TAF1B: variants seen among roughly 807,000 people sequenced by gnomAD.
TAF1B encodes the protein TATA box-binding protein-associated factor RNA polymerase I subunit B.
In TAF1B, 61 loss-of-function variants were observed where a neutral mutation model predicts 83.9. The observed-to-expected ratio is 0.73, with a 90% CI of 0.59 to 0.90. TAF1B has a LOEUF of 0.90. Ranked by LOEUF, TAF1B falls within the 40% of genes least tolerant of loss-of-function variation. TAF1B has a pLI of 0.00. For missense variants in TAF1B, 625 were observed against 677.0 expected (o/e 0.92, Z 0.85); for synonymous variants, 221 against 224.6 (o/e 0.98, Z 0.14).
intron 7 of TAF1B, among the ~76,000 whole-genome samples, chr2:9,882,435 A>G (rs1181399260): frequency 1.3e-5 from 2 of 152,336 alleles, no homozygotes; most frequent in East Asian, 3.9e-4. Flanking sequence ...AGCTAGGGGT[A>G]CAAGCATGTG....
intron 8 of TAF1B, among the ~76,000 whole-genome samples, chr2:9,889,133 A>T (rs1280576911): frequency 2.0e-5 from 3 of 151,414 alleles, no homozygotes; most frequent in Admixed American, 1.3e-4. Flanking sequence ...CCTTAGATTT[A>T]TGGGTGTGCA....
chr2:9,933,446 C>G (rs1411726242), intron 14 of TAF1B, among the ~76,000 whole-genome samples: 2 of 152,174 alleles, frequency 1.3e-5, no homozygotes, highest in Non-Finnish European at 2.9e-5. Context: ...GAAATATGTT[C>G]AGAATCTCTC....
chr2:9,900,064 G>A (rs1295846217), intron 8 of TAF1B, among the ~76,000 whole-genome samples: 1 of 152,128 alleles, frequency 6.6e-6, no homozygotes, highest in Non-Finnish European at 1.5e-5. Flanking sequence ...AGGCTATCTC[G>A]TGGCATTAGA....
chr2:9,851,559 A>G lies in TAF1B; in HGVS notation c.224A>G (p.Tyr75Cys). 3 of 1,608,498 alleles carry G rather than the reference A, an allele frequency of 1.9e-6. No homozygotes were observed. The highest frequency in any genetic ancestry group is 1.7e-6 in the Non-Finnish European group (2 of 1,178,244). ...KNNTEKGWDW[Y>C]VCEGFQYILY... ...CATTTAGAAAAAGGCTGGGATTGGT[A>G]TGTGTGTGAAGGTTTCCAGTATATT... The change falls in exon 4 of 15, where the codon TAT becomes TGT. Residue 75 changes from tyrosine to cysteine, a missense_variant. Tyr to Cys is a radical substitution (Grantham distance 194). Transcript: ENST00000263663.
At chr2:9,860,958 A>T (rs897243120) in intron 5 of TAF1B, among the ~76,000 whole-genome samples, 2 of 152,156 alleles carry the variant, frequency 1.3e-5, no homozygotes, top group African/African-American at 4.8e-5. Context: ...AAAAAGTGGG[A>T]TAGAGGGGTG....
At position 9,900,312 on chromosome 2, in the gene TAF1B, T is replaced by C. The variant is rs116831635; in HGVS notation, c.808-4547T>C. Among the ~76,000 whole-genome samples the C allele has an allele frequency of 3.5e-3, 535 of 152,240 alleles. 7 individuals carry two copies. The highest frequency in any genetic ancestry group is 0.012 in the African/African-American group (513 of 41,546). The stretch of plus-strand genomic sequence containing the variant: ...ACTTTGGGAGGCCAAGGCAGGCAAA[T>C]TGCATGACCCTAGGAGTTCAAGACC... On this transcript the variant is annotated intron_variant, in intron 8 of 14. Transcript: ENST00000263663.
In TAF1B at chr2:9,854,002, T is replaced by C. The variant is rs79400826; in HGVS notation, c.304-324T>C. Among the ~76,000 whole-genome samples, 21 of 152,320 alleles carry C rather than the reference T, an allele frequency of 1.4e-4. No individual in the cohort carries two copies. The East Asian group carries it at 3.3e-3, about 24-fold the overall frequency. Reference sequence around the variant, plus strand: ...TGACACTATGATGATATTATAATTCTTTTTAAGGAAAGGCAGGTAAGAATA... The same window carrying C: ...TGACACTATGATGATATTATAATTCCTTTTAAGGAAAGGCAGGTAAGAATA... On this transcript the variant is annotated intron_variant, in intron 4 of 14. Transcript: ENST00000263663.
At chr2:9,854,477 A>G (rs1572215454) in intron 5 of TAF1B, 56 bp downstream of exon 5, 1 of 1,319,160 alleles carries the variant, frequency 7.6e-7, no homozygotes, top group Non-Finnish European at 1.1e-6. Context: ...AGATGTAGAG[A>G]TGAAGATGGG....
chr2:9,879,398 G>A (rs1558246262), intron 7 of TAF1B, among the ~76,000 whole-genome samples: 1 of 152,170 alleles, frequency 6.6e-6, no homozygotes, highest in South Asian at 2.1e-4. Flanking sequence ...GACAAAGAGA[G>A]GACCCGCATC....
intron 6 of TAF1B, among the ~76,000 whole-genome samples, chr2:9,871,745 T>A (rs1006746581): frequency 6.6e-6 from 1 of 152,170 alleles, no homozygotes; most frequent in South Asian, 2.1e-4. Flanking sequence ...CCCCCCGAGC[T>A]GATCAGATTC....
At chr2:9,918,884 A>G (rs1339941539) in intron 12 of TAF1B, among the ~76,000 whole-genome samples, 157 bp from the exon 13 acceptor site, 1 of 152,212 alleles carries the variant, frequency 6.6e-6, no homozygotes, top group African/African-American at 2.4e-5. Context: ...GGTTCCTTCT[A>G]GGGCCTAAGT....
intron 6 of TAF1B, among the ~76,000 whole-genome samples, chr2:9,870,036 ATTTAT>A (rs1341716112): frequency 6.6e-6 from 1 of 152,176 alleles, no homozygotes; most frequent in Non-Finnish European, 1.5e-5. Flanking sequence ...TACGGAAAGA[ATTTAT>A]TTTGTTTTTG....
chr2:9,860,052 GC>G (rs1194051181), intron 5 of TAF1B, among the ~76,000 whole-genome samples: 3 of 152,200 alleles, frequency 2.0e-5, no homozygotes, highest in Admixed American at 6.5e-5. Flanking sequence ...GAGAGAGTGT[GC>G]AGGGGGAAAT....
chr2:9,874,116 A>G (rs1376697317), intron 6 of TAF1B, among the ~76,000 whole-genome samples: 1 of 152,172 alleles, frequency 6.6e-6, no homozygotes. Flanking sequence ...AAGAGGTTGA[A>G]TGGACTCATC....
chr2:9,913,982 T>C (rs1276542833), intron 12 of TAF1B, among the ~76,000 whole-genome samples: 1 of 152,226 alleles, frequency 6.6e-6, no homozygotes, highest in Non-Finnish European at 1.5e-5. Flanking sequence ...TTTATATCCT[T>C]TGAGAAAAAT....
chr2:9,869,116 CTG>C (rs1477359912), intron 6 of TAF1B, among the ~76,000 whole-genome samples: 73 of 152,326 alleles, frequency 4.8e-4, no homozygotes, highest in African/African-American at 1.6e-3. Context: ...AAGACCATGA[CTG>C]TAAAACCATC....
At chr2:9,933,685 T>C (rs567732619) in intron 14 of TAF1B, 98 bp from the exon 15 acceptor site, 13 of 988,092 alleles carry the variant, frequency 1.3e-5, no homozygotes, top group South Asian at 5.1e-5. Context: ...CCTAACCATA[T>C]ATATTTGCTA....
chr2:9,849,547 A>G, intron 3 of TAF1B, 87 bp downstream of exon 3: 3 of 1,009,012 alleles, frequency 3.0e-6, no homozygotes, highest in Non-Finnish European at 4.1e-6. Flanking sequence ...AATTTTAAGT[A>G]GGTTCTAGAG....
intron 14 of TAF1B, among the ~76,000 whole-genome samples, chr2:9,931,088 T>C (rs1666196509): frequency 6.6e-6 from 1 of 152,230 alleles, no homozygotes; most frequent in Non-Finnish European, 1.5e-5. Flanking sequence ...GTCTCCTGAA[T>C]ACAGCACACT....
Sources: gnomAD v4.1 joint callset for allele counts (sites outside exome capture counted in the v4.1 genomes callset) on GRCh38, gnomAD v4.1.1 for gene constraint, MANE v1.5 for transcripts, NCBI Gene and HGNC (gene_info 2026-07-23, HGNC 2026-07-21) for gene names.